The following RORA variants were observed in gnomAD, a reference collection of about 807,000 sequenced individuals.
The protein encoded by RORA is RAR related orphan receptor A.
Under a neutral mutation model 69.5 loss-of-function variants are expected in RORA, and 7 were observed. The ratio of observed to expected loss-of-function variants is 0.10; its 90% CI spans 0.06 to 0.19. RORA has a LOEUF of 0.19. Ranked by LOEUF, RORA falls within the 10% of genes least tolerant of loss-of-function variation. The probability of loss-of-function intolerance (pLI) is 1.00; values close to 1 mark genes in which losing one functional copy is unlikely to be tolerated. For synonymous variants in RORA, 261 were observed against 240.8 expected, an observed-to-expected ratio of 1.08 and a Z score of -0.78; for missense variants, 457 against 663.0, an observed-to-expected ratio of 0.69 and a Z score of 3.41.
intron 1 of RORA, among the ~76,000 whole-genome samples, chr15:60,813,796 T>C (rs1301449461): frequency 1.3e-5 from 2 of 152,186 alleles, no homozygotes; most frequent in Non-Finnish European, 2.9e-5. Flanking sequence ...TTTGAAATAA[T>C]CCTGAGAAAT....
intron 4 of RORA, among the ~76,000 whole-genome samples, chr15:60,514,274 G>A (rs535219658): frequency 1.3e-5 from 2 of 152,184 alleles, no homozygotes; most frequent in Admixed American, 6.5e-5. Flanking sequence ...ATGCCTAGAG[G>A]AGACATCTTT....
chr15:60,802,742 G>A (rs994022762), intron 1 of RORA, among the ~76,000 whole-genome samples: 1 of 152,114 alleles, frequency 6.6e-6, no homozygotes, highest in Non-Finnish European at 1.5e-5. Flanking sequence ...TGTCTACAGA[G>A]ATGAAAATCT....
At chr15:60,503,740 G>T in intron 6 of RORA, 73 bp from the exon 7 acceptor site, 1 of 1,578,164 alleles carries the variant, frequency 6.3e-7, no homozygotes, top group South Asian at 1.1e-5. Context: ...GCAGAGTTAT[G>T]AAAGCAAAGC....
rs1431574450 is a variant in RORA at position 60,489,152 on chromosome 15, T to C, written c.*8303A>G. ...TCCAAGAGAGGCAGTTAAGGAATGA[T>C]GTGATTTATATTAAAAGAGATTTCT... On this transcript the variant is annotated 3_prime_UTR_variant, in exon 11 of 11. Coordinates refer to ENST00000335670, the MANE Select transcript of RORA (RefSeq NM_134261.3). The C allele has an allele frequency of 2.6e-5, 4 of 152,238 alleles. No homozygotes were observed. The highest frequency in any genetic ancestry group is 7.2e-5 in the African/African-American group (3 of 41,470). The allele number at this position is 152,238 out of a possible 1,614,324, so 9.4% of individuals were successfully genotyped here. A position where few individuals can be genotyped will look rare whatever the true frequency, so the allele number is the denominator to read the frequency against.
chr15:60,551,385 C>T (rs895274128), intron 2 of RORA, among the ~76,000 whole-genome samples: 1 of 152,038 alleles, frequency 6.6e-6, no homozygotes. Flanking sequence ...GGTCCCTGCT[C>T]GGTTCCCACA....
intron 1 of RORA, among the ~76,000 whole-genome samples, chr15:60,868,658 C>T (rs946388468): frequency 2.0e-5 from 3 of 151,926 alleles, no homozygotes; most frequent in African/African-American, 4.8e-5. Flanking sequence ...CGTGGTACTT[C>T]GGTTTCAAAT....
chr15:61,131,480 G>A lies in RORA; in HGVS notation c.166+97573C>T, dbSNP rs549924270. Among the ~76,000 whole-genome samples the A allele has an allele frequency of 1.3e-5, 2 of 152,292 alleles. No individual in the cohort carries two copies. The highest frequency in any genetic ancestry group is 2.4e-5 in the African/African-American group (1 of 41,560). Reference sequence around the variant, plus strand: ...AGCTACTCCTGGGTTGGGGTGAGTGGGGACTGAGGACTTCCTGGGGAAAGA... The same window carrying A: ...AGCTACTCCTGGGTTGGGGTGAGTGAGGACTGAGGACTTCCTGGGGAAAGA... On this transcript the variant is annotated intron_variant, in intron 1 of 10. Transcript: ENST00000335670. The surrounding 1 kb of genome is among the most constrained non-coding windows in gnomAD (Gnocchi z 4.2).
chr15:60,682,799 C>T (rs2070664578), intron 1 of RORA, among the ~76,000 whole-genome samples: 1 of 152,174 alleles, frequency 6.6e-6, no homozygotes, highest in Non-Finnish European at 1.5e-5. Context: ...CAAGATCCTT[C>T]CCCAGAGATT....
chr15:60,977,115 G>GAAAAA (rs5813057), intron 1 of RORA, among the ~76,000 whole-genome samples: 2 of 135,978 alleles, frequency 1.5e-5, no homozygotes, highest in African/African-American at 2.7e-5. Context: ...TGATTGGAGG[G>GAAAAA]AAAAAAAAAA....
intron 1 of RORA, among the ~76,000 whole-genome samples, chr15:61,062,991 C>A (rs2078207973): frequency 6.6e-6 from 1 of 152,048 alleles, no homozygotes; most frequent in Non-Finnish European, 1.5e-5. Flanking sequence ...TTCCTGAGAT[C>A]CCACCACATA....
At chr15:60,948,598 T>C (rs552372301) in intron 1 of RORA, among the ~76,000 whole-genome samples, 39 of 152,340 alleles carry the variant, frequency 2.6e-4, no homozygotes, top group African/African-American at 9.4e-4. Context: ...CTTATGACCC[T>C]ACTGTGACAA....
At chr15:60,893,830 T>G (rs1000610843) in intron 1 of RORA, among the ~76,000 whole-genome samples, 6 of 152,242 alleles carry the variant, frequency 3.9e-5, no homozygotes, top group African/African-American at 1.4e-4. Context: ...TGGCATAACC[T>G]CCTCTATTTT....
chr15:61,110,996 C>G (rs1017961664), intron 1 of RORA, among the ~76,000 whole-genome samples: 3 of 152,186 alleles, frequency 2.0e-5, no homozygotes, highest in African/African-American at 7.2e-5. Context: ...ACATAGGAGA[C>G]TTCCACAAAT....
intron 1 of RORA, among the ~76,000 whole-genome samples, chr15:60,976,741 A>T (rs1893882350): frequency 6.6e-6 from 1 of 151,728 alleles, no homozygotes; most frequent in Non-Finnish European, 1.5e-5. Flanking sequence ...CCCCCACCAC[A>T]CCTCCAAGGA....
intron 1 of RORA, among the ~76,000 whole-genome samples, chr15:60,989,746 C>G (rs1894316134): frequency 6.6e-6 from 1 of 152,004 alleles, no homozygotes; most frequent in African/African-American, 2.4e-5. Flanking sequence ...ATTCACAGGT[C>G]CATCCACTAT....
chr15:60,565,403 A>G (rs2067687207), intron 2 of RORA, among the ~76,000 whole-genome samples: 2 of 152,230 alleles, frequency 1.3e-5, no homozygotes, highest in Non-Finnish European at 2.9e-5. Flanking sequence ...TCATGTATTC[A>G]TTAGCAGAGA....
intron 1 of RORA, among the ~76,000 whole-genome samples, chr15:60,985,650 T>A (rs1011688758): frequency 7.3e-6 from 1 of 136,696 alleles, no homozygotes; most frequent in Middle Eastern, 4.1e-3. Flanking sequence ...AGTGGCACGA[T>A]CTTGGCTCAC....
chr15:60,780,455 A>T (rs2072237270), intron 1 of RORA, among the ~76,000 whole-genome samples: 1 of 152,238 alleles, frequency 6.6e-6, no homozygotes, highest in Non-Finnish European at 1.5e-5. Context: ...TTCCTTTAAA[A>T]AGAATCAGGC....
chr15:61,124,456 A>C (rs2140826531), intron 1 of RORA, among the ~76,000 whole-genome samples: 1 of 152,238 alleles, frequency 6.6e-6, no homozygotes, highest in Non-Finnish European at 1.5e-5. Flanking sequence ...GTGGAGTCTC[A>C]CAAGTGTTGC....
Sources: allele counts gnomAD v4.1 joint callset (sites outside exome capture counted in the v4.1 genomes callset), GRCh38; gene constraint gnomAD v4.1.1; non-coding constraint Gnocchi (gnomAD v3.1); transcripts MANE v1.5; gene names NCBI Gene and HGNC (gene_info 2026-07-23, HGNC 2026-07-21).